The following RAB3IP variants were observed in gnomAD, a reference collection of about 807,000 sequenced individuals.
The protein encoded by RAB3IP is rab-3A-interacting protein.
A neutral mutation model predicts 59.1 loss-of-function variants in RAB3IP; 36 were observed. The ratio of observed to expected loss-of-function variants is 0.61; its 90% CI spans 0.47 to 0.80. The LOEUF is 0.80. RAB3IP is among the 30% of genes least tolerant of loss of function. RAB3IP has a pLI of 0.00. For synonymous variants in RAB3IP, 207 were observed against 191.2 expected, an observed-to-expected ratio of 1.08 and a Z score of -0.68; for missense variants, 511 against 536.0, an observed-to-expected ratio of 0.95 and a Z score of 0.46.
chr12:69,815,273 T>G, intron 10 of RAB3IP, 91 bp from the exon 11 acceptor site: 1 of 913,930 alleles, frequency 1.1e-6, no homozygotes, highest in East Asian at 2.6e-5. Flanking sequence ...AAATGCACAA[T>G]TGACATTTCA....
At chr12:69,801,870 C>T (rs181909816) in intron 8 of RAB3IP, 149 bp downstream of exon 8, 1 of 506,548 alleles carries the variant, frequency 2.0e-6, no homozygotes, top group African/African-American at 2.0e-5. Context: ...AAGACAAATT[C>T]CTGAGACAGT....
intron 3 of RAB3IP, among the ~76,000 whole-genome samples, chr12:69,764,005 A>G (rs1353082294): frequency 1.3e-5 from 2 of 152,100 alleles, no homozygotes; most frequent in Non-Finnish European, 2.9e-5. Flanking sequence ...TATCTGATCC[A>G]CTGTTGATGA....
At chr12:69,738,758 T>C (rs988996693), upstream of RAB3IP, 4 of 151,844 alleles carry the variant, frequency 2.6e-5, no homozygotes, top group African/African-American at 7.3e-5. Flanking sequence ...CCAGGCCCCA[T>C]GCCGGGCTCG....
At chr12:69,787,023 C>T (rs1213219552) in intron 4 of RAB3IP, among the ~76,000 whole-genome samples, 1 of 152,158 alleles carries the variant, frequency 6.6e-6, no homozygotes, top group Non-Finnish European at 1.5e-5. Context: ...ATTGTGCCTT[C>T]ATGATCTGTT....
At position 69,748,502 on chromosome 12, in the gene RAB3IP, G is replaced by A. The variant is rs575249675; in HGVS notation, c.-25-6882G>A. 7.7e-4 allele frequency among the ~76,000 whole-genome samples: 117 copies of A among 152,228 alleles called. 1 individual carries two copies. The highest frequency in any genetic ancestry group is 1.7e-3 in the African/African-American group (71 of 41,540). ...TTTTTGCTGTGATAGTACTGATTTCGAGAAAGAAAAATTAACAGGAAATGC... is the reference window on the plus strand; with the variant it reads ...TTTTTGCTGTGATAGTACTGATTTCAAGAAAGAAAAATTAACAGGAAATGC... On this transcript the variant is annotated intron_variant, in intron 1 of 10. Coordinates refer to ENST00000247833, the MANE Select transcript of RAB3IP (RefSeq NM_022456.5).
At chr12:69,806,383 C>G (rs1235267185) in intron 8 of RAB3IP, among the ~76,000 whole-genome samples, 1 of 151,990 alleles carries the variant, frequency 6.6e-6, no homozygotes, top group Admixed American at 6.6e-5. Context: ...TGATTCTTCT[C>G]TCTTTTCTTC....
At chr12:69,740,569 A>T (rs1402671387) in intron 1 of RAB3IP, among the ~76,000 whole-genome samples, 2 of 152,222 alleles carry the variant, frequency 1.3e-5, no homozygotes, top group Non-Finnish European at 2.9e-5. Context: ...TAAACAACTC[A>T]TCTGTGGTAC....
chr12:69,783,448 GC>G (rs765202946), intron 3 of RAB3IP, among the ~76,000 whole-genome samples: 48 of 152,002 alleles, frequency 3.2e-4, no homozygotes, highest in East Asian at 7.7e-4. Context: ...TGTCTTCATT[GC>G]CCTGCAGTTT....
intron 8 of RAB3IP, 49 bp downstream of exon 8, chr12:69,801,770 G>A (rs777689273): frequency 1.8e-6 from 2 of 1,132,992 alleles, no homozygotes; most frequent in East Asian, 4.7e-5. Flanking sequence ...TTTTTGAAAT[G>A]TTATGGGTTG....
chr12:69,769,347 A>G (rs1402107315), intron 3 of RAB3IP, among the ~76,000 whole-genome samples: 1 of 152,110 alleles, frequency 6.6e-6, no homozygotes, highest in Non-Finnish European at 1.5e-5. Flanking sequence ...GCCTCTCTCC[A>G]AGTTAACTCC....
chr12:69,764,460 A>C (rs1871872889), intron 3 of RAB3IP, among the ~76,000 whole-genome samples: 1 of 152,120 alleles, frequency 6.6e-6, no homozygotes, highest in Non-Finnish European at 1.5e-5. Context: ...CTGTAGGTCC[A>C]GGGCTTTATT....
At chr12:69,782,646 A>G (rs571248274) in intron 3 of RAB3IP, among the ~76,000 whole-genome samples, 2 of 152,224 alleles carry the variant, frequency 1.3e-5, no homozygotes, top group Non-Finnish European at 2.9e-5. Flanking sequence ...TATATTTTGG[A>G]TAACAGTAGT....
At position 69,822,066 on chromosome 12, in the gene RAB3IP, TTA is replaced by T. The variant is rs1005966093; in HGVS notation, c.*6623_*6624del. On this transcript the variant is annotated 3_prime_UTR_variant, in exon 11 of 11. Coordinates refer to ENST00000247833, the MANE Select transcript of RAB3IP (RefSeq NM_022456.5). ...TCCAGAATCATTACTTGGCAGTGGA[TTA>T]TAGTGTGATGACTCATTTCCGGTGG... is the stretch of plus-strand genomic sequence containing the variant. 2.0e-5 allele frequency: 3 copies of T among 152,148 alleles called. No individual in the cohort carries two copies. The highest frequency in any genetic ancestry group is 7.2e-5 in the African/African-American group (3 of 41,440). The allele number at this position is 152,148 out of a possible 1,614,324, so 9.4% of individuals were successfully genotyped here. A position where few individuals can be genotyped will look rare whatever the true frequency, so the allele number is the denominator to read the frequency against.
At chr12:69,739,756 C>A in intron 1 of RAB3IP, 1 of 1,435,200 alleles carries the variant, frequency 7.0e-7, no homozygotes, top group Non-Finnish European at 9.8e-7. Context: ...GTTGACAACT[C>A]GCCCCGACCG....
intron 3 of RAB3IP, among the ~76,000 whole-genome samples, chr12:69,764,754 A>G (rs552492452): frequency 3.4e-4 from 51 of 152,064 alleles, no homozygotes; most frequent in Admixed American, 6.5e-4. Flanking sequence ...CATTTTAACA[A>G]TGTTGATTCT....
Position 69,822,174 on chromosome 12 carries a change from A to G in RAB3IP, c.*6728A>G, listed in dbSNP as rs776786860. On this transcript the variant is annotated 3_prime_UTR_variant, in exon 11 of 11. Transcript: ENST00000247833. ...ACATGTTTTAGGCATCTTAATTCATATTTTATCTAAAGGCATATAAATCCT... is the reference window on the plus strand; with the variant it reads ...ACATGTTTTAGGCATCTTAATTCATGTTTTATCTAAAGGCATATAAATCCT... 1 of 152,060 alleles carries G rather than the reference A, an allele frequency of 6.6e-6. No individual in the cohort carries two copies. The highest frequency in any genetic ancestry group is 1.5e-5 in the Non-Finnish European group (1 of 68,026). 9.4% of individuals were successfully genotyped at this position (152,060 alleles called of 1,614,324 possible).
intron 1 of RAB3IP, among the ~76,000 whole-genome samples, chr12:69,745,210 G>A (rs1305233385): frequency 6.6e-6 from 1 of 152,136 alleles, no homozygotes; most frequent in Non-Finnish European, 1.5e-5. Context: ...AGGTATTTCA[G>A]TATTTCCCAA....
intron 6 of RAB3IP, among the ~76,000 whole-genome samples, chr12:69,799,611 G>A (rs1016435592): frequency 1.3e-5 from 2 of 151,992 alleles, no homozygotes; most frequent in East Asian, 1.9e-4. Flanking sequence ...AAGGCTTTAC[G>A]TATTCTTTTT....
At chr12:69,804,392 C>T (rs1346578697) in intron 8 of RAB3IP, among the ~76,000 whole-genome samples, 5 of 151,848 alleles carry the variant, frequency 3.3e-5, no homozygotes, top group Non-Finnish European at 5.9e-5. Flanking sequence ...ATTCTGGATA[C>T]TAGCCCTTTG....
Sources: gnomAD v4.1 joint callset for allele counts (sites outside exome capture counted in the v4.1 genomes callset) on GRCh38, gnomAD v4.1.1 for gene constraint, MANE v1.5 for transcripts, NCBI Gene and HGNC (gene_info 2026-07-23, HGNC 2026-07-21) for gene names.